VWF: variants seen among roughly 807,000 people sequenced by gnomAD.
The protein encoded by VWF is Factor VIII related antigen.
Under a neutral mutation model 308.6 loss-of-function variants are expected in VWF, and 176 were observed. That is an observed-to-expected ratio of 0.57 (90% CI 0.50 to 0.65). The LOEUF (loss-of-function observed/expected upper bound fraction) is 0.65. Among genes scored for constraint, VWF ranks in the 30% least tolerant of loss-of-function variants. The probability of loss-of-function intolerance (pLI) is 0.00; values close to 1 mark genes in which losing one functional copy is unlikely to be tolerated. For synonymous variants in VWF, 1,385 were observed against 1,443.4 expected, an observed-to-expected ratio of 0.96 and a Z score of 0.92; for missense variants, 3,146 against 3,648.2, an observed-to-expected ratio of 0.86 and a Z score of 3.55.
At position 6,009,849 on chromosome 12, in the gene VWF, T is replaced by C. The variant is rs4021579; in HGVS notation, c.5842+1768A>G. ...CCACAACATAGATGAACTTGGAGGA[T>C]GTTAAGCTAAGTGAAATGAGCCAGT... is the stretch of plus-strand genomic sequence containing the variant. On this transcript the variant is annotated intron_variant, in intron 34 of 51. Transcript: ENST00000261405. 5.9e-5 allele frequency among the ~76,000 whole-genome samples: 9 copies of C among 152,336 alleles called. 1 individual carries two copies. The South Asian group carries it at 8.3e-4, about 14-fold the overall frequency.
chr12:6,031,015 A>T (rs1199223249), intron 21 of VWF, among the ~76,000 whole-genome samples: 1 of 152,180 alleles, frequency 6.6e-6, no homozygotes, highest in Non-Finnish European at 1.5e-5. Context: ...TAGGCAAAAG[A>T]GCGAGACTCC....
chr12:6,094,737 G>A (rs1945086198), intron 6 of VWF, among the ~76,000 whole-genome samples: 1 of 152,016 alleles, frequency 6.6e-6, no homozygotes, highest in Non-Finnish European at 1.5e-5. Flanking sequence ...AATTGAGACA[G>A]AGTCTGGCTC....
chr12:6,059,431 C>A (rs2136457321), intron 13 of VWF, among the ~76,000 whole-genome samples: 1 of 152,342 alleles, frequency 6.6e-6, no homozygotes, highest in East Asian at 1.9e-4. Flanking sequence ...CCTGTCTTAG[C>A]CCTTCCAGGC....
chr12:6,017,356 A>G (rs1284136005), intron 28 of VWF, among the ~76,000 whole-genome samples: 1 of 152,216 alleles, frequency 6.6e-6, no homozygotes, highest in Non-Finnish European at 1.5e-5. Context: ...TTAGTGTCTG[A>G]GCACATCTGA....
At position 5,966,513 on chromosome 12, in the gene VWF, T is replaced by A. The variant is rs375932920; in HGVS notation, c.7887+973A>T. 5.3e-4 allele frequency among the ~76,000 whole-genome samples: 81 copies of A among 152,296 alleles called. 1 individual carries two copies. The South Asian group carries it at 0.015, about 27-fold the overall frequency. ...TTGAGCATGATACCTCTAATTGCCA[T>A]GAAGAACACAGATGTAGAACATCTA... On this transcript the variant is annotated intron_variant, in intron 47 of 51. Transcript: ENST00000261405.
At chr12:5,967,432 T>C (rs1437113808) in intron 47 of VWF, 54 bp downstream of exon 47, 1 of 1,475,582 alleles carries the variant, frequency 6.8e-7, no homozygotes, top group Non-Finnish European at 9.5e-7. Flanking sequence ...TCCCACTGCC[T>C]GGGTCCCACA....
At position 6,099,489 on chromosome 12, in the gene VWF, G is replaced by A. The variant is rs374698182; in HGVS notation, c.533-3905C>T. On this transcript the variant is annotated intron_variant, in intron 5 of 51. Coordinates refer to ENST00000261405, the MANE Select transcript of VWF (RefSeq NM_000552.5). ...TTATAAGATTTAGTAACTCCATATT[G>A]AAATATTAACACAAAACCCTTCAAA... 4.6e-5 allele frequency among the ~76,000 whole-genome samples: 7 copies of A among 152,160 alleles called. No individual in the cohort carries two copies. The East Asian group carries it at 1.3e-3, about 29-fold the overall frequency.
chr12:6,064,731 C>A (rs1359681913), intron 11 of VWF, among the ~76,000 whole-genome samples: 2 of 152,218 alleles, frequency 1.3e-5, no homozygotes, highest in Non-Finnish European at 2.9e-5. Context: ...TCGTCCTCAT[C>A]TTTGCTTCCA....
chr12:6,075,429 C>T lies in VWF; in HGVS notation c.780G>A (p.Gly260=). The T allele has an allele frequency of 6.2e-7, 1 of 1,614,138 alleles. No homozygotes were observed. Among genetic ancestry groups the T allele is most frequent in the South Asian group, 1.1e-5 (1 of 91,084 alleles). The change falls in exon 7 of 52, where the codon GGG becomes GGA. Residue 260 remains glycine (G), a synonymous_variant. Transcript: ENST00000261405. This position sits in a 1 kb window ranked among gnomAD's most constrained non-coding sequence, Gnocchi z 4.7. ...CEKTLCECAG[G]LECACPALLE... is the part of the protein sequence containing the mutation. The stretch of plus-strand genomic sequence containing the variant: ...GGAGGGCAGGGCAGGCGCACTCCAG[C>T]CCCCCAGCACACTCACACAAAGTCT...
chr12:6,105,822 G>A (rs1049745627), intron 5 of VWF, among the ~76,000 whole-genome samples: 3 of 151,754 alleles, frequency 2.0e-5, no homozygotes, highest in African/African-American at 7.3e-5. Flanking sequence ...AGATCAAGAG[G>A]TCAAGAGATG....
intron 24 of VWF, among the ~76,000 whole-genome samples, 186 bp downstream of exon 24, chr12:6,025,394 A>G (rs1486343865): frequency 1.3e-5 from 2 of 152,266 alleles, no homozygotes; most frequent in Non-Finnish European, 2.9e-5. Context: ...TGCTTCCCCT[A>G]GAAACTGTTG....
In VWF at chr12:5,983,130, C is replaced by CTCA; in HGVS notation, c.7081+17_7081+19dup. The CTCA allele has an allele frequency of 6.2e-7, 1 of 1,610,848 alleles. No individual in the cohort carries two copies. The highest frequency in any genetic ancestry group is 8.5e-7 in the Non-Finnish European group (1 of 1,178,414). On this transcript the variant is annotated intron_variant, in intron 41 of 51. Coordinates refer to ENST00000261405, the MANE Select transcript of VWF (RefSeq NM_000552.5). Reference sequence around the variant, plus strand: ...GCAGAGAGAGGCCACACCACCCCTCCTCATCCACAGAGGCCTTACCGCAGG... The same window carrying CTCA: ...GCAGAGAGAGGCCACACCACCCCTCCTCATCATCCACAGAGGCCTTACCGCAGG...
rs1485916115 is a variant in VWF at position 6,019,938 on chromosome 12, C to A, written c.3675-195G>T. On this transcript the variant is annotated intron_variant, in intron 27 of 51. Transcript: ENST00000261405. The surrounding 1 kb of genome is among the most constrained non-coding windows in gnomAD (Gnocchi z 5.8). ...CTGTCCCCAAATAGCATGCCCCCCACCTTCAAAACACACACATAGCCGACT... is the reference window on the plus strand; with the variant it reads ...CTGTCCCCAAATAGCATGCCCCCCAACTTCAAAACACACACATAGCCGACT... Among the ~76,000 whole-genome samples the A allele has an allele frequency of 1.3e-4, 20 of 152,202 alleles. No individual in the cohort carries two copies. Among genetic ancestry groups the A allele is most frequent in the African/African-American group, 2.7e-4 (11 of 41,438 alleles).
At chr12:6,047,735 G>A (rs191566008) in intron 16 of VWF, among the ~76,000 whole-genome samples, 2 of 152,174 alleles carry the variant, frequency 1.3e-5, no homozygotes, top group African/African-American at 4.8e-5. Flanking sequence ...TTTTCCCATC[G>A]AGCACCGTGT....
rs1254342034 is a variant in VWF, at chr12:6,063,340, C to T, written c.1433-286G>A. ...AGGAGGGAGGCAGAGGCTCCTGCAT[C>T]CTGGGCTGTAGGCAGGTGCCCTGGA... On this transcript the variant is annotated intron_variant, in intron 12 of 51. Transcript: ENST00000261405. This position sits in a 1 kb window ranked among gnomAD's most constrained non-coding sequence, Gnocchi z 4.9. Among the ~76,000 whole-genome samples, 1 of 152,128 alleles carries T rather than the reference C, an allele frequency of 6.6e-6. No individual in the cohort carries two copies. Among genetic ancestry groups the T allele is most frequent in the Non-Finnish European group, 1.5e-5 (1 of 68,018 alleles).
intron 38 of VWF, among the ~76,000 whole-genome samples, chr12:5,990,478 G>T (rs1463693601): frequency 1.3e-5 from 2 of 152,110 alleles, no homozygotes; most frequent in African/African-American, 4.8e-5. Context: ...CTGCAGGCTG[G>T]TTAGCTACAT....
At chr12:6,065,323 C>T in intron 10 of VWF, 50 bp from the exon 11 acceptor site, 1 of 1,610,794 alleles carries the variant, frequency 6.2e-7, no homozygotes, top group South Asian at 1.1e-5. Context: ...GGGCACTTCC[C>T]CTGGGGTGGC....
chr12:6,064,454 C>T, intron 11 of VWF, 70 bp from the exon 12 acceptor site: 2 of 1,599,958 alleles, frequency 1.3e-6, no homozygotes, highest in Non-Finnish European at 1.7e-6. Context: ...CCAGGACCCT[C>T]TTAATCAGAG....
At chr12:6,076,319 C>T (rs908548332) in intron 6 of VWF, among the ~76,000 whole-genome samples, 4 of 152,192 alleles carry the variant, frequency 2.6e-5, no homozygotes, top group Non-Finnish European at 5.9e-5. Flanking sequence ...AACATCTCTC[C>T]ATTCTGTATG....
Sources: allele counts gnomAD v4.1 joint callset (sites outside exome capture counted in the v4.1 genomes callset), GRCh38; gene constraint gnomAD v4.1.1; non-coding constraint Gnocchi (gnomAD v3.1); transcripts MANE v1.5; gene names NCBI Gene and HGNC (gene_info 2026-07-23, HGNC 2026-07-21).